Variants in EPG5 observed in about 807,000 individuals in gnomAD.
The protein encoded by EPG5 is ectopic P-granules 5 autophagy tethering factor.
In EPG5, 159 loss-of-function variants were observed where a neutral mutation model predicts 302.7. The observed-to-expected ratio is 0.53, with a 90% CI of 0.46 to 0.60. The LOEUF (loss-of-function observed/expected upper bound fraction) is 0.60. Among genes scored for constraint, EPG5 ranks in the 20% least tolerant of loss-of-function variants. The pLI is 0.00. For synonymous variants in EPG5, 1,158 were observed against 1,136.8 expected (o/e 1.02, Z -0.37); for missense variants, 2,896 against 3,092.4 (o/e 0.94, Z 1.51).
chr18:45,842,768 G>C (rs973721041), downstream of EPG5: 1 of 154,472 alleles, frequency 6.5e-6, no homozygotes, highest in African/African-American at 2.4e-5. Flanking sequence ...TCTCATGAGG[G>C]GCATGACAGA....
chr18:45,884,709 C>T lies in EPG5; in HGVS notation c.5212G>A (p.Ala1738Thr). 2 of 1,611,904 alleles carry T rather than the reference C, an allele frequency of 1.2e-6. No individual in the cohort carries two copies. The highest frequency in any genetic ancestry group is 1.7e-6 in the Non-Finnish European group (2 of 1,179,240). The part of the protein sequence containing the change: ...SLLSPFFTPN[A>T]APAEFIQLYE... The stretch of plus-strand genomic sequence containing the variant: ...AGCTGTATGAACTCTGCAGGTGCAG[C>T]ATTGGGAGTGAAGAAAGGAGACAGC... The change falls in exon 30 of 44, where the codon GCT becomes ACT. Residue 1738 changes from alanine to threonine, a missense_variant. Ala to Thr is a moderately conservative substitution (Grantham distance 58). Coordinates refer to ENST00000282041, the MANE Select transcript of EPG5 (RefSeq NM_020964.3).
Position 45,951,087 on chromosome 18 carries a change from T to C in EPG5, c.1389+15A>G, listed in dbSNP as rs1242916236. The C allele has an allele frequency of 6.4e-7, 1 of 1,553,940 alleles. No homozygotes were observed. Among genetic ancestry groups the C allele is most frequent in the Non-Finnish European group, 8.7e-7 (1 of 1,152,298 alleles). Reference sequence around the variant, plus strand: ...AATAAAACAAAGACTACTGTGTCTATCTCTGTCCCCTTACCAATTTCTGCA... The same window carrying C: ...AATAAAACAAAGACTACTGTGTCTACCTCTGTCCCCTTACCAATTTCTGCA... On this transcript the variant is annotated intron_variant, in intron 4 of 43. Transcript: ENST00000282041.
At chr18:45,871,870 ACAG>A (rs977183501) in intron 35 of EPG5, among the ~76,000 whole-genome samples, 1 of 151,994 alleles carries the variant, frequency 6.6e-6, no homozygotes, top group Non-Finnish European at 1.5e-5. Flanking sequence ...GATCTATTGT[ACAG>A]CAGGGTGACT....
In EPG5 at chr18:45,967,218, G is replaced by T; in HGVS notation, c.22C>A (p.Gln8Lys). Residue 8 changes from glutamine (Q) to lysine (K), a missense_variant, in exon 1 of 44, where the codon CAG (glutamine) becomes AAG (lysine). This residue lies in a region of EPG5 where 1,390 missense variants were observed against 1,430.0 expected (regional missense o/e 0.97). Coordinates refer to ENST00000282041, the MANE Select transcript of EPG5 (RefSeq NM_020964.3). ...CTGGCCTTGGCCTTGGCCCGGCGCT[G>T]GGGCTTCACCGCCTCGGCCATAGAC... MAEAVKP[Q>K]RRAKAKASRT... 6.2e-7 allele frequency: 1 copy of T among 1,605,434 alleles called. No homozygotes were observed. Among genetic ancestry groups the T allele is most frequent in the South Asian group, 1.1e-5 (1 of 89,380 alleles).
At position 45,860,262 on chromosome 18, in the gene EPG5, G is replaced by C. The variant is rs777908648; in HGVS notation, c.6851C>G (p.Thr2284Arg). The change falls in exon 40 of 44, where the codon ACA becomes AGA. Residue 2284 changes from threonine (T) to arginine (R), a missense_variant. Physicochemically the swap from Thr to Arg is moderately conservative, Grantham distance 71 (BLOSUM62 -1). Around this residue, in one of 5 missense-constraint regions of EPG5, gnomAD observed 620 missense variants for 704.2 expected, o/e 0.88. Coordinates refer to ENST00000282041, the MANE Select transcript of EPG5 (RefSeq NM_020964.3). ...LMMMNNATIP[T>R]AEFLRGSIRT... ...GATACTGCCCCGAAGGAACTCTGCT[G>C]TTGGAATAGTCGCGTTGTTCATCAT... 3.1e-6 allele frequency: 5 copies of C among 1,614,134 alleles called. No individual in the cohort carries two copies. In the Admixed American group the frequency reaches 6.7e-5, roughly 22 times the overall value.
chr18:45,949,527 C>G lies in EPG5; in HGVS notation c.1454G>C (p.Arg485Pro). The change falls in exon 5 of 44, where the codon CGA (arginine) becomes CCA (proline). Residue 485 changes from arginine (R) to proline (P), a missense_variant. Around this residue, in one of 5 missense-constraint regions of EPG5, gnomAD observed 1,390 missense variants for 1,430.0 expected, o/e 0.97. Transcript: ENST00000282041. ...CCATTTACTAACACCAGCGGGGCAT[C>G]GAAGAATATGGTTTAGAAGGAAGAG... ...DHLFLLNHIL[R>P]CPAGVSKWAV... 6.2e-7 allele frequency: 1 copy of G among 1,613,046 alleles called. No homozygotes were observed. Among genetic ancestry groups the G allele is most frequent in the East Asian group, 2.2e-5 (1 of 44,830 alleles).
At chr18:45,936,721 A>C (rs2050534051) in intron 10 of EPG5, among the ~76,000 whole-genome samples, 1 of 98,198 alleles carries the variant, frequency 1.0e-5, no homozygotes, top group Non-Finnish European at 2.0e-5. Context: ...ACTCCATTTC[A>C]AAAAAAAAAA....
Position 45,955,327 on chromosome 18 carries a change from C to T in EPG5, c.75G>A (p.Lys25=), listed in dbSNP as rs2143796022. 1 of 1,547,484 alleles carries T rather than the reference C, an allele frequency of 6.5e-7. No homozygotes were observed. Among genetic ancestry groups the T allele is most frequent in the Non-Finnish European group, 8.7e-7 (1 of 1,148,472 alleles). Residue 25 remains lysine, a synonymous_variant, in exon 2 of 44, where the codon AAG becomes AAA. Coordinates refer to ENST00000282041, the MANE Select transcript of EPG5 (RefSeq NM_020964.3). ...ASRTKTKEKK[K]YETPQREESS... is the part of the protein sequence containing the mutation. ...ACTCTTCCCTCTGAGGAGTTTCATACTTCTTCTTTTCCTAAAAACAACATA... is the reference window on the plus strand; with the variant it reads ...ACTCTTCCCTCTGAGGAGTTTCATATTTCTTCTTTTCCTAAAAACAACATA...
Position 45,934,833 on chromosome 18 carries a change from C to A in EPG5, c.2233G>T (p.Ala745Ser), listed in dbSNP as rs564487069. ...CCTTGGAGCTGCTGCTTGCACTGGG[C>A]GGGCTGCAGGGAGGAGGAGAGCTGC... ...LQQLSSSLQP[A>S]QCKQQLQDPE... The change falls in exon 11 of 44, where the codon GCC becomes TCC. Residue 745 changes from alanine to serine, a missense_variant. Around this residue, in one of 5 missense-constraint regions of EPG5, gnomAD observed 1,390 missense variants for 1,430.0 expected, o/e 0.97. Transcript: ENST00000282041. 4 of 1,613,634 alleles carry A rather than the reference C, an allele frequency of 2.5e-6. No individual in the cohort carries two copies. The highest frequency in any genetic ancestry group is 3.3e-5 in the Admixed American group (2 of 59,898).
chr18:45,856,258 GA>G (rs1211025011), intron 42 of EPG5, among the ~76,000 whole-genome samples: 1 of 152,246 alleles, frequency 6.6e-6, no homozygotes, highest in African/African-American at 2.4e-5. Flanking sequence ...AATGAACCTT[GA>G]AAACTTTATG....
chr18:45,909,126 A>G (rs1461592533), intron 23 of EPG5, among the ~76,000 whole-genome samples: 1 of 152,178 alleles, frequency 6.6e-6, no homozygotes, highest in Non-Finnish European at 1.5e-5. Context: ...ATAAAGTGGA[A>G]AATTACCTCC....
chr18:45,810,884 C>A, the EPG5 span, among the ~76,000 whole-genome samples: 7 of 152,098 alleles, frequency 4.6e-5, no homozygotes, highest in African/African-American at 1.4e-4. Context: ...AAATGTGATA[C>A]AACACATAAA....
At chr18:45,895,274 GAGGTATTTGTGGAACATTC>G (rs959453026) in intron 27 of EPG5, among the ~76,000 whole-genome samples, 99 of 152,316 alleles carry the variant, frequency 6.5e-4, no homozygotes, top group African/African-American at 2.0e-3. Flanking sequence ...TATGGAGTTT[GAGGTATTTGTGGAACATTC>G]AGGTAGAATG....
rs1366468894 is a variant in EPG5 at position 45,934,852 on chromosome 18, G to A, written c.2214C>T (p.Leu738=). Residue 738 remains leucine, a synonymous_variant, in exon 11 of 44, where the codon CTC becomes CTT. Transcript: ENST00000282041. The part of the protein sequence containing the change: ...HQVESENLQQ[L]SSSLQPAQCK... The stretch of plus-strand genomic sequence containing the variant: ...ACTGGGCGGGCTGCAGGGAGGAGGA[G>A]AGCTGCTGCAGGTTCTCGCTCTCCA... 1 of 1,614,056 alleles carries A rather than the reference G, an allele frequency of 6.2e-7. No homozygotes were observed. The highest frequency in any genetic ancestry group is 8.5e-7 in the Non-Finnish European group (1 of 1,180,046).
the EPG5 span, among the ~76,000 whole-genome samples, chr18:45,805,821 A>G: frequency 6.6e-6 from 1 of 152,236 alleles, no homozygotes; most frequent in Non-Finnish European, 1.5e-5. Context: ...GCATGTGCCT[A>G]ACAACAGCAC....
intron 27 of EPG5, among the ~76,000 whole-genome samples, chr18:45,893,018 C>A (rs1458268449): frequency 6.6e-6 from 1 of 152,070 alleles, no homozygotes; most frequent in South Asian, 2.1e-4. Flanking sequence ...TGAAATGGTA[C>A]CTATATTCAT....
chr18:45,940,889 G>A (rs1211640264), intron 9 of EPG5, among the ~76,000 whole-genome samples: 1 of 152,188 alleles, frequency 6.6e-6, no homozygotes, highest in African/African-American at 2.4e-5. Context: ...ACTGGGAGTA[G>A]TAGTTTGGGA....
the EPG5 span, among the ~76,000 whole-genome samples, chr18:45,839,559 G>A: frequency 2.0e-5 from 3 of 152,178 alleles, no homozygotes; most frequent in Non-Finnish European, 4.4e-5. Context: ...ATTGCAATGT[G>A]CTATGAGAAG....
At chr18:45,860,013 G>A in intron 40 of EPG5, 91 bp downstream of exon 40, 1 of 1,486,164 alleles carries the variant, frequency 6.7e-7, no homozygotes, top group Non-Finnish European at 9.2e-7. Flanking sequence ...TCCCTCACTG[G>A]GAAGAGTCTG....
Sources: allele counts gnomAD v4.1 joint callset (sites outside exome capture counted in the v4.1 genomes callset), GRCh38; gene constraint gnomAD v4.1.1; regional missense constraint gnomAD v4.1.1; transcripts MANE v1.5; gene names NCBI Gene and HGNC (gene_info 2026-07-23, HGNC 2026-07-21).